Variants in TMEM87A observed in about 807,000 individuals in gnomAD.
TMEM87A encodes the protein Golgi-pH regulating cation channel.
Under a neutral mutation model 90.0 loss-of-function variants are expected in TMEM87A, and 50 were observed. The ratio of observed to expected loss-of-function variants is 0.56; its 90% CI spans 0.44 to 0.70. The LOEUF is 0.70. Ranked by LOEUF, TMEM87A falls within the 30% of genes least tolerant of loss-of-function variation. The probability of loss-of-function intolerance (pLI) is 0.00; values close to 1 mark genes in which losing one functional copy is unlikely to be tolerated. For synonymous variants in TMEM87A, 226 were observed against 226.7 expected (o/e 1.00, Z 0.03); for missense variants, 577 against 660.5 (o/e 0.87, Z 1.39).
chr15:42,270,687 CA>C (rs2051505215), intron 2 of TMEM87A, among the ~76,000 whole-genome samples: 1 of 152,134 alleles, frequency 6.6e-6, no homozygotes, highest in South Asian at 2.1e-4. Flanking sequence ...AATAAAACAG[CA>C]AACAGGCTGT....
In TMEM87A at chr15:42,244,923, C is replaced by G. The variant is rs2050943715; in HGVS notation, c.505-756G>C. 2.6e-5 allele frequency among the ~76,000 whole-genome samples: 4 copies of G among 151,506 alleles called. No individual in the cohort carries two copies. The South Asian group carries it at 8.4e-4, about 32-fold the overall frequency. On this transcript the variant is annotated intron_variant, in intron 6 of 19. Coordinates refer to ENST00000389834, the MANE Select transcript of TMEM87A (RefSeq NM_015497.5). ...AGGAGAAACGTTTATCCAGAGATCT[C>G]TGGGTAAGCTTCTAGGTTCTGTGAA...
chr15:42,235,125 G>A (rs1444129777), intron 10 of TMEM87A, among the ~76,000 whole-genome samples: 2 of 152,062 alleles, frequency 1.3e-5, no homozygotes, highest in Non-Finnish European at 2.9e-5. Flanking sequence ...TGCAATCTCC[G>A]CCTCCAGGGT....
At chr15:42,235,925 C>T (rs557225328) in intron 10 of TMEM87A, among the ~76,000 whole-genome samples, 14 of 152,166 alleles carry the variant, frequency 9.2e-5, no homozygotes, top group Non-Finnish European at 1.6e-4. Flanking sequence ...ATAGAAGACA[C>T]TCCTCAATAA....
chr15:42,254,771 A>C (rs1457180706), intron 6 of TMEM87A, among the ~76,000 whole-genome samples: 4 of 152,240 alleles, frequency 2.6e-5, no homozygotes, highest in Non-Finnish European at 5.9e-5. Context: ...ATGATACTAC[A>C]AAGGTGAAGA....
At chr15:42,244,793 G>C (rs992973878) in intron 6 of TMEM87A, among the ~76,000 whole-genome samples, 1 of 147,702 alleles carries the variant, frequency 6.8e-6, no homozygotes, top group Non-Finnish European at 1.5e-5. Context: ...ACATAGACTA[G>C]AGTCTTCACA....
intron 7 of TMEM87A, among the ~76,000 whole-genome samples, chr15:42,240,693 C>T (rs569040153): frequency 9.9e-5 from 15 of 152,022 alleles, no homozygotes; most frequent in Non-Finnish European, 1.8e-4. Context: ...AAATAAAAAT[C>T]TGACTTGAGT....
chr15:42,231,081 A>T, intron 12 of TMEM87A, 111 bp downstream of exon 12: 1 of 960,872 alleles, frequency 1.0e-6, no homozygotes, highest in Non-Finnish European at 1.6e-6. Context: ...TGTTCCCCAC[A>T]CTAAGGAGTA....
At position 42,232,962 on chromosome 15, in the gene TMEM87A, T is replaced by C. The variant is rs191731274; in HGVS notation, c.1062+251A>G. 1.8e-3 allele frequency: 484 copies of C among 263,650 alleles called. 2 individuals are homozygous for C. Among genetic ancestry groups the C allele is most frequent in the African/African-American group, 0.01 (462 of 44,638 alleles). 16.3% of individuals were successfully genotyped at this position (263,650 alleles called of 1,614,324 possible). On this transcript the variant is annotated intron_variant, in intron 11 of 19. Transcript: ENST00000389834. The stretch of plus-strand genomic sequence containing the variant: ...GAAAAAAAAATGCAAGTCTACTGCT[T>C]GGGAGGAGGAACTAAAACAATTAGC...
At chr15:42,243,984 T>A in intron 7 of TMEM87A, 66 bp downstream of exon 7, 1 of 930,404 alleles carries the variant, frequency 1.1e-6, no homozygotes, top group Non-Finnish European at 1.6e-6. Context: ...TAAAAAAGCA[T>A]ATGTAAAGTA....
intron 12 of TMEM87A, among the ~76,000 whole-genome samples, chr15:42,229,970 T>C (rs1473216878): frequency 6.6e-6 from 1 of 152,076 alleles, no homozygotes; most frequent in Non-Finnish European, 1.5e-5. Context: ...GGACTACAGG[T>C]GCAAGCCACA....
intron 1 of TMEM87A, chr15:42,272,896 T>C (rs1160843415): frequency 2.1e-6 from 1 of 481,108 alleles, no homozygotes; most frequent in Admixed American, 2.3e-5. Context: ...TACATATCTT[T>C]CTTATCCAAC....
chr15:42,254,848 T>G (rs1040749389), intron 6 of TMEM87A, among the ~76,000 whole-genome samples: 2 of 152,152 alleles, frequency 1.3e-5, no homozygotes, highest in Non-Finnish European at 2.9e-5. Context: ...CTATAGACTT[T>G]GATAATAACA....
chr15:42,267,419 G>C (rs1027729571), intron 3 of TMEM87A, among the ~76,000 whole-genome samples: 3 of 152,088 alleles, frequency 2.0e-5, no homozygotes, highest in Non-Finnish European at 4.4e-5. Context: ...ATCTGAAAAG[G>C]CCATTAAAAT....
intron 6 of TMEM87A, among the ~76,000 whole-genome samples, chr15:42,259,824 G>C (rs948035241): frequency 3.3e-5 from 5 of 152,212 alleles, no homozygotes; most frequent in Admixed American, 2.6e-4. Context: ...AGTTGAGACA[G>C]AGTGTAAACT....
upstream of TMEM87A, chr15:42,273,436 C>T (rs1220942408): frequency 5.0e-6 from 8 of 1,611,576 alleles, no homozygotes; most frequent in South Asian, 2.2e-5. Flanking sequence ...AGCATTTCAC[C>T]CTCTTCCGGT....
chr15:42,223,265 C>T (rs890240759), intron 15 of TMEM87A, among the ~76,000 whole-genome samples: 1 of 152,120 alleles, frequency 6.6e-6, no homozygotes, highest in African/African-American at 2.4e-5. Flanking sequence ...TGGTGGTGCA[C>T]ACCGGTGGTC....
rs1310056123 is a variant in TMEM87A at position 42,232,649 on chromosome 15, A to AT, written c.1062+563dup. Among the ~76,000 whole-genome samples, 1,254 of 140,458 alleles carry AT rather than the reference A, an allele frequency of 8.9e-3. 11 individuals are homozygous for AT. The highest frequency in any genetic ancestry group is 0.013 in the African/African-American group (506 of 38,224). The allele number at this position is 140,458 out of a possible 152,430, so 92.1% of individuals were successfully genotyped here. On this transcript the variant is annotated intron_variant, in intron 11 of 19. Coordinates refer to ENST00000389834, the MANE Select transcript of TMEM87A (RefSeq NM_015497.5). Reference sequence around the variant, plus strand: ...CCACCACGCCCAGCTAATTTCTCGTATTTTTTTTTTTTTTAGTAGAGACAG... The same window carrying AT: ...CCACCACGCCCAGCTAATTTCTCGTATTTTTTTTTTTTTTTAGTAGAGACAG...
At chr15:42,222,093 A>T (rs1277160916) in intron 15 of TMEM87A, among the ~76,000 whole-genome samples, 1 of 151,510 alleles carries the variant, frequency 6.6e-6, no homozygotes, top group Non-Finnish European at 1.5e-5. Flanking sequence ...AAAGAGTTTC[A>T]CTCGTTGTCC....
intron 6 of TMEM87A, among the ~76,000 whole-genome samples, chr15:42,251,270 G>A (rs947058396): frequency 6.6e-6 from 1 of 152,186 alleles, no homozygotes; most frequent in African/African-American, 2.4e-5. Flanking sequence ...TATCTGTCCA[G>A]CTTTGTTCCG....
Sources: allele counts gnomAD v4.1 joint callset (sites outside exome capture counted in the v4.1 genomes callset), GRCh38; gene constraint gnomAD v4.1.1; transcripts MANE v1.5; gene names NCBI Gene and HGNC (gene_info 2026-07-23, HGNC 2026-07-21).